Variants in TSHZ2 observed in about 807,000 individuals in gnomAD.
TSHZ2 encodes teashirt homolog 2.
TSHZ2 carries 21 observed loss-of-function variants against 74.4 expected under a neutral mutation model. The observed-to-expected ratio is 0.28, with a 90% CI of 0.20 to 0.41. The LOEUF is 0.41. Among genes scored for constraint, TSHZ2 ranks in the 10% least tolerant of loss-of-function variants. TSHZ2 has a pLI of 1.00. For missense variants in TSHZ2, 1,244 were observed against 1,293.5 expected, an observed-to-expected ratio of 0.96 and a Z score of 0.59; for synonymous variants, 540 against 515.3, an observed-to-expected ratio of 1.05 and a Z score of -0.65.
intron 2 of TSHZ2, among the ~76,000 whole-genome samples, chr20:53,377,809 G>T (rs1981714977): frequency 6.6e-6 from 1 of 152,160 alleles, no homozygotes; most frequent in Non-Finnish European, 1.5e-5. Flanking sequence ...GCTGCCGTGA[G>T]CCATGATCGG....
At chr20:53,006,944 A>G (rs1034063106) in intron 1 of TSHZ2, among the ~76,000 whole-genome samples, 4 of 152,174 alleles carry the variant, frequency 2.6e-5, no homozygotes, top group African/African-American at 9.7e-5. Context: ...ACTGAATATC[A>G]GTATAAATAT....
chr20:53,421,999 A>G (rs1375303766), intron 2 of TSHZ2, among the ~76,000 whole-genome samples: 1 of 151,986 alleles, frequency 6.6e-6, no homozygotes, highest in Non-Finnish European at 1.5e-5. Flanking sequence ...GTTTTATCTT[A>G]ACCAGCAGAC....
chr20:52,998,806 C>T lies in TSHZ2; in HGVS notation c.40+25473C>T, dbSNP rs139824085. ...TAAATATTTGTTCAGTGAACAGATG[C>T]GTGCTCTCAGGACATATAATTAGGA... On this transcript the variant is annotated intron_variant, in intron 1 of 2. Transcript: ENST00000371497. Among the ~76,000 whole-genome samples the T allele has an allele frequency of 7.2e-5, 11 of 152,266 alleles. No homozygotes were observed. In the East Asian group the frequency reaches 9.6e-4, roughly 13 times the overall value.
At chr20:53,161,874 A>G (rs1987949308) in intron 1 of TSHZ2, among the ~76,000 whole-genome samples, 1 of 152,222 alleles carries the variant, frequency 6.6e-6, no homozygotes, top group Non-Finnish European at 1.5e-5. Flanking sequence ...TCTATAAACA[A>G]TTACTATATC....
intron 1 of TSHZ2, among the ~76,000 whole-genome samples, chr20:53,147,449 T>G (rs2123430658): frequency 6.6e-6 from 1 of 152,354 alleles, no homozygotes; most frequent in East Asian, 1.9e-4. Context: ...AGTCCTACCT[T>G]CTTCAATCCA....
chr20:53,168,304 T>G (rs150112901), intron 1 of TSHZ2, among the ~76,000 whole-genome samples: 86 of 152,258 alleles, frequency 5.6e-4, no homozygotes, highest in African/African-American at 2.0e-3. Context: ...CAAAAATGAC[T>G]CCAGACATTG....
intron 2 of TSHZ2, among the ~76,000 whole-genome samples, chr20:53,377,441 A>G (rs551284380): frequency 4.3e-4 from 65 of 152,338 alleles, no homozygotes; most frequent in African/African-American, 1.5e-3. Flanking sequence ...TTTATCCAGA[A>G]TCTATCGACT....
At chr20:53,233,745 G>C (rs73911226) in intron 1 of TSHZ2, among the ~76,000 whole-genome samples, 1 of 152,270 alleles carries the variant, frequency 6.6e-6, no homozygotes, top group African/African-American at 2.4e-5. Context: ...GAAGAACTTG[G>C]AGACTCTGTA....
At chr20:53,338,861 G>C (rs1229621474) in intron 2 of TSHZ2, among the ~76,000 whole-genome samples, 1 of 152,202 alleles carries the variant, frequency 6.6e-6, no homozygotes, top group Admixed American at 6.5e-5. Context: ...GTTTTCATGA[G>C]GGTCAGATGA....
At chr20:53,206,451 T>C (rs1989169872) in intron 1 of TSHZ2, 1 of 152,192 alleles carries the variant, frequency 6.6e-6, no homozygotes, top group Non-Finnish European at 1.5e-5. Flanking sequence ...CACTCAGGAC[T>C]AAACTTGGTC....
intron 1 of TSHZ2, among the ~76,000 whole-genome samples, chr20:53,185,832 A>G (rs141247476): frequency 1.5e-3 from 234 of 152,280 alleles, no homozygotes; most frequent in African/African-American, 5.5e-3. Context: ...GAGTTTTTAA[A>G]TGATACTTTT....
At chr20:53,150,390 G>T (rs987321388) in intron 1 of TSHZ2, among the ~76,000 whole-genome samples, 6 of 152,202 alleles carry the variant, frequency 3.9e-5, no homozygotes, top group African/African-American at 1.2e-4. Context: ...CAGCCAGTGA[G>T]TCAAATCCCA....
intron 1 of TSHZ2, among the ~76,000 whole-genome samples, chr20:53,241,446 C>A (rs1435285594): frequency 6.6e-6 from 1 of 152,146 alleles, no homozygotes; most frequent in African/African-American, 2.4e-5. Context: ...TCCCTTTTAT[C>A]ATTAACTTTT....
At chr20:53,051,321 G>A (rs143718299) in intron 1 of TSHZ2, among the ~76,000 whole-genome samples, 334 of 152,144 alleles carry the variant, frequency 2.2e-3, no homozygotes, top group Non-Finnish European at 2.7e-3. Flanking sequence ...CCTGGGTGAC[G>A]GGAGCAAGAC....
intron 2 of TSHZ2, among the ~76,000 whole-genome samples, chr20:53,454,469 G>A (rs944281034): frequency 1.3e-5 from 2 of 151,914 alleles, no homozygotes; most frequent in Non-Finnish European, 2.9e-5. Context: ...GGCTGAGACA[G>A]AAGAATCACT....
At chr20:53,423,470 C>T (rs1983551353) in intron 2 of TSHZ2, among the ~76,000 whole-genome samples, 1 of 152,124 alleles carries the variant, frequency 6.6e-6, no homozygotes, top group Non-Finnish European at 1.5e-5. Context: ...GGCAAGATAC[C>T]TTGCATGGAT....
chr20:53,301,129 C>T lies in TSHZ2; in HGVS notation c.*8+44558C>T, dbSNP rs564653938. Among the ~76,000 whole-genome samples the T allele has an allele frequency of 5.3e-5, 8 of 151,788 alleles. 1 individual carries two copies. Among genetic ancestry groups the T allele is most frequent in the African/African-American group, 1.9e-4 (8 of 41,416 alleles). On this transcript the variant is annotated intron_variant, in intron 2 of 2. Coordinates refer to ENST00000371497, the MANE Select transcript of TSHZ2 (RefSeq NM_173485.6). ...TGAGCCACTAGGCCCAGCTAATTTT[C>T]ATATTTTTAGTAGAGACAAGGTTTC...
intron 2 of TSHZ2, among the ~76,000 whole-genome samples, chr20:53,288,347 T>G (rs897707630): frequency 2.0e-5 from 3 of 146,352 alleles, no homozygotes; most frequent in Non-Finnish European, 4.5e-5. Flanking sequence ...GAGGTTGCAG[T>G]GAGCCGAGAT....
chr20:53,289,180 G>A (rs998915145), intron 2 of TSHZ2, among the ~76,000 whole-genome samples: 14 of 135,418 alleles, frequency 1.0e-4, no homozygotes, highest in African/African-American at 3.2e-4. Flanking sequence ...ATTCAGTGGT[G>A]TATATATACC....
Sources: gnomAD v4.1 joint callset for allele counts (sites outside exome capture counted in the v4.1 genomes callset) on GRCh38, gnomAD v4.1.1 for gene constraint, MANE v1.5 for transcripts, NCBI Gene and HGNC (gene_info 2026-07-23, HGNC 2026-07-21) for gene names.